Variants in CDH13 observed in about 807,000 individuals in gnomAD.
CDH13 encodes the protein cadherin-13.
CDH13 carries 24 observed loss-of-function variants against 63.8 expected under a neutral mutation model. The observed-to-expected ratio is 0.38, with a 90% CI of 0.27 to 0.53. The LOEUF (loss-of-function observed/expected upper bound fraction) is 0.53, where lower values mean the gene tolerates loss of function less well. Among genes scored for constraint, CDH13 ranks in the 20% least tolerant of loss-of-function variants. The pLI, the probability that CDH13 is intolerant of heterozygous loss-of-function variation, is 0.85. For synonymous variants in CDH13, 503 were observed against 355.3 expected (o/e 1.42, Z -4.67); for missense variants, 1,049 against 903.1 (o/e 1.16, Z -2.07).
chr16:83,659,759 C>CA (rs1258918525), intron 8 of CDH13, among the ~76,000 whole-genome samples: 3 of 150,920 alleles, frequency 2.0e-5, no homozygotes, highest in Non-Finnish European at 4.4e-5. Flanking sequence ...GAAAGGTACC[C>CA]ATGAGTTAGA....
chr16:83,450,702 C>G (rs527342121), intron 6 of CDH13, among the ~76,000 whole-genome samples: 1 of 152,086 alleles, frequency 6.6e-6, no homozygotes, highest in East Asian at 1.9e-4. Flanking sequence ...AACCCTGTCT[C>G]TACTAAAAAT....
At chr16:83,382,704 C>G (rs1295680920) in intron 6 of CDH13, among the ~76,000 whole-genome samples, 1 of 152,202 alleles carries the variant, frequency 6.6e-6, no homozygotes, top group Non-Finnish European at 1.5e-5. Context: ...AAAATACCTT[C>G]TGCAACAGTG....
intron 3 of CDH13, among the ~76,000 whole-genome samples, chr16:83,075,852 T>G (rs2032797929): frequency 6.6e-6 from 1 of 152,168 alleles, no homozygotes; most frequent in African/African-American, 2.4e-5. Context: ...TCAAATCAGT[T>G]AAAGCTCTTT....
At chr16:82,678,543 A>C (rs1411271611) in intron 1 of CDH13, among the ~76,000 whole-genome samples, 1 of 152,194 alleles carries the variant, frequency 6.6e-6, no homozygotes, top group Non-Finnish European at 1.5e-5. Flanking sequence ...GAATGAAACA[A>C]AGCCTTCTCC....
In CDH13 at chr16:83,047,385, A is replaced by G. The variant is rs1400046117; in HGVS notation, c.366+15167A>G. Among the ~76,000 whole-genome samples the G allele has an allele frequency of 6.6e-6, 1 of 152,174 alleles. No homozygotes were observed. Among genetic ancestry groups the G allele is most frequent in the Admixed American group, 6.6e-5 (1 of 15,266 alleles). Reference sequence around the variant, plus strand: ...TGAGACTTGAGTGCTTTTTTATTCCAAGTCCCTTATTCGATTTGGCCCTTG... The same window carrying G: ...TGAGACTTGAGTGCTTTTTTATTCCGAGTCCCTTATTCGATTTGGCCCTTG... On this transcript the variant is annotated intron_variant, in intron 3 of 13. Coordinates refer to ENST00000567109, the MANE Select transcript of CDH13 (RefSeq NM_001257.5). The surrounding 1 kb of genome is among the most constrained non-coding windows in gnomAD (Gnocchi z 4.9).
rs1908066289 is a variant in CDH13, at chr16:82,632,020, T to A, written c.45+4883T>A. On this transcript the variant is annotated intron_variant, in intron 1 of 13. Coordinates refer to ENST00000567109, the MANE Select transcript of CDH13 (RefSeq NM_001257.5). ...TGTTTGGCTCAAATGTTTTGCAAAT[T>A]GTACATTAATAAAAAAGAAATCCAG... Among the ~76,000 whole-genome samples the A allele has an allele frequency of 2.0e-5, 3 of 152,132 alleles. No homozygotes were observed. The South Asian group carries it at 6.2e-4, about 32-fold the overall frequency.
intron 10 of CDH13, among the ~76,000 whole-genome samples, chr16:83,731,031 A>ATG (rs1910986169): frequency 2.6e-5 from 4 of 152,028 alleles, no homozygotes; most frequent in South Asian, 2.1e-4. Context: ...TCCATGGTAT[A>ATG]CACGCACTGC....
At chr16:83,264,571 C>G (rs1329623240) in intron 5 of CDH13, among the ~76,000 whole-genome samples, 3 of 143,592 alleles carry the variant, frequency 2.1e-5, no homozygotes, top group Non-Finnish European at 4.6e-5. Context: ...TGTGTGTATA[C>G]ATATGTGTAT....
intron 5 of CDH13, among the ~76,000 whole-genome samples, chr16:83,242,935 G>C (rs1215482463): frequency 6.6e-6 from 1 of 152,184 alleles, no homozygotes; most frequent in Non-Finnish European, 1.5e-5. Context: ...TATACCATGT[G>C]TCAAAAACTA....
At chr16:83,480,170 G>C (rs995843310) in intron 6 of CDH13, among the ~76,000 whole-genome samples, 1 of 152,142 alleles carries the variant, frequency 6.6e-6, no homozygotes, top group Non-Finnish European at 1.5e-5. Flanking sequence ...ACAAAAATTA[G>C]CCAGGCATAG....
At chr16:82,872,663 G>C (rs978014704) in intron 2 of CDH13, among the ~76,000 whole-genome samples, 1 of 152,034 alleles carries the variant, frequency 6.6e-6, no homozygotes, top group Admixed American at 6.6e-5. Context: ...AATTTTTTTG[G>C]CTTGAGAGCA....
At chr16:82,890,460 T>C (rs1354218533) in intron 2 of CDH13, among the ~76,000 whole-genome samples, 3 of 152,144 alleles carry the variant, frequency 2.0e-5, no homozygotes, top group Non-Finnish European at 4.4e-5. Flanking sequence ...TCGGAATAAA[T>C]AATTGAGGCA....
intron 2 of CDH13, among the ~76,000 whole-genome samples, chr16:82,873,923 G>T (rs965764105): frequency 1.3e-5 from 2 of 151,850 alleles, no homozygotes; most frequent in Admixed American, 1.3e-4. Context: ...CCCCACCCCT[G>T]ACCACTTCTC....
chr16:83,154,339 A>G (rs2037117199), intron 4 of CDH13, among the ~76,000 whole-genome samples: 1 of 152,012 alleles, frequency 6.6e-6, no homozygotes, highest in Non-Finnish European at 1.5e-5. Flanking sequence ...GGGGGTTCAC[A>G]AGGTCAGGAG....
intron 1 of CDH13, among the ~76,000 whole-genome samples, chr16:82,798,118 A>G (rs890631516): frequency 1.3e-5 from 2 of 152,224 alleles, no homozygotes; most frequent in African/African-American, 4.8e-5. Flanking sequence ...TGAATTGGAT[A>G]TGAAAGAAAA....
chr16:82,701,847 A>C (rs1187787667), intron 1 of CDH13, among the ~76,000 whole-genome samples: 4 of 152,124 alleles, frequency 2.6e-5, no homozygotes, highest in Non-Finnish European at 5.9e-5. Context: ...ATTAGCCAGG[A>C]CTTAGTCACC....
At chr16:82,865,498 C>T (rs1375375048) in intron 2 of CDH13, among the ~76,000 whole-genome samples, 2 of 152,234 alleles carry the variant, frequency 1.3e-5, no homozygotes, top group African/African-American at 4.8e-5. Flanking sequence ...AGGCTTGGGG[C>T]TTGCACCCTC....
chr16:83,522,215 T>C (rs2074854713), intron 7 of CDH13, among the ~76,000 whole-genome samples: 6 of 152,224 alleles, frequency 3.9e-5, no homozygotes, highest in Admixed American at 3.9e-4. Context: ...CACATGTTTA[T>C]TGAATCTTTA....
At chr16:83,089,224 A>G (rs564170638) in intron 3 of CDH13, among the ~76,000 whole-genome samples, 2 of 152,340 alleles carry the variant, frequency 1.3e-5, no homozygotes, top group Non-Finnish European at 2.9e-5. Flanking sequence ...AGAACCAAGG[A>G]TGAATTCCAG....
Sources: allele counts gnomAD v4.1 joint callset (sites outside exome capture counted in the v4.1 genomes callset), GRCh38; gene constraint gnomAD v4.1.1; non-coding constraint Gnocchi (gnomAD v3.1); transcripts MANE v1.5; gene names NCBI Gene and HGNC (gene_info 2026-07-23, HGNC 2026-07-21).